The following SDK2 variants were observed in gnomAD, a reference collection of about 807,000 sequenced individuals.
SDK2 encodes sidekick cell adhesion molecule 2, also known as protein sidekick-2.
Under a neutral mutation model 253.9 loss-of-function variants are expected in SDK2, and 105 were observed. The observed-to-expected ratio is 0.41, with a 90% confidence interval of 0.35 to 0.49. The LOEUF is 0.49. Among genes scored for constraint, SDK2 ranks in the 20% least tolerant of loss-of-function variants. SDK2 has a pLI of 0.06. For missense variants in SDK2, 2,608 were observed against 3,003.0 expected (o/e 0.87, Z 3.07); for synonymous variants, 1,249 against 1,234.9 (o/e 1.01, Z -0.24).
intron 18 of SDK2, among the ~76,000 whole-genome samples, chr17:73,408,232 T>C (rs1172926823): frequency 6.7e-6 from 1 of 150,274 alleles, no homozygotes; most frequent in Non-Finnish European, 1.5e-5. Context: ...TTTTTTTTTT[T>C]TTTGAGATGG....
At chr17:73,387,787 C>A (rs1250584281) in intron 30 of SDK2, 49 bp downstream of exon 30, 1 of 1,476,422 alleles carries the variant, frequency 6.8e-7, no homozygotes, top group African/African-American at 1.4e-5. Flanking sequence ...ACCGCTGGTC[C>A]CGGCGGGGAG....
chr17:73,360,828 TG>T (rs754290661), intron 39 of SDK2, among the ~76,000 whole-genome samples: 1 of 150,282 alleles, frequency 6.7e-6, no homozygotes, highest in Non-Finnish European at 1.5e-5. Flanking sequence ...CCCAGCTACT[TG>T]GGAGGCTGAA....
chr17:73,529,742 G>A lies in SDK2; in HGVS notation c.65-22145C>T, dbSNP rs1163027054. ...AAGTCAAAGAGCACCAAGGGTTGCC[G>A]GCAAACACCAAAAGCTAGAGACAGG... On this transcript the variant is annotated intron_variant, in intron 1 of 44. Transcript: ENST00000392650. Among the ~76,000 whole-genome samples, 19 of 152,080 alleles carry A rather than the reference G, an allele frequency of 1.2e-4. 1 individual carries two copies. The highest frequency in any genetic ancestry group is 2.4e-4 in the Non-Finnish European group (16 of 68,012).
At chr17:73,420,618 A>G (rs2063221491) in intron 15 of SDK2, among the ~76,000 whole-genome samples, 1 of 149,016 alleles carries the variant, frequency 6.7e-6, no homozygotes, top group Non-Finnish European at 1.5e-5. Flanking sequence ...GGCATGAGCC[A>G]CTGCACCTGG....
At position 73,431,379 on chromosome 17, in the gene SDK2, A is replaced by T; in HGVS notation, c.1480+123T>A. ...GAGAAGGGCCCTGACTGGGACAGAC[A>T]CTGGGGATGGAGACACTGGTGGTAT... On this transcript the variant is annotated intron_variant, in intron 11 of 44. Coordinates refer to ENST00000392650, the MANE Select transcript of SDK2 (RefSeq NM_001144952.2). This position sits in a 1 kb window ranked among gnomAD's most constrained non-coding sequence, Gnocchi z 5.6. The T allele has an allele frequency of 1.1e-6, 1 of 948,954 alleles. No individual in the cohort carries two copies. The highest frequency in any genetic ancestry group is 1.5e-6 in the Non-Finnish European group (1 of 649,812). 58.8% of individuals were successfully genotyped at this position (948,954 alleles called of 1,614,324 possible). A position where few individuals can be genotyped will look rare whatever the true frequency, so the allele number is the denominator to read the frequency against.
At chr17:73,553,214 G>C (rs1473797682) in intron 1 of SDK2, among the ~76,000 whole-genome samples, 3 of 118,028 alleles carry the variant, frequency 2.5e-5, no homozygotes, top group Non-Finnish European at 5.2e-5. Flanking sequence ...AGAGGCAAGA[G>C]GCAGAGATGG....
chr17:73,501,590 A>G (rs2410774), intron 2 of SDK2, among the ~76,000 whole-genome samples: 44,529 of 152,188 alleles, frequency 0.29, 7,177 homozygotes, highest in East Asian at 0.49. Flanking sequence ...GAAATGGATA[A>G]TGATTTGTCA....
chr17:73,441,017 C>T, intron 5 of SDK2, 94 bp from the exon 6 acceptor site: 1 of 955,658 alleles, frequency 1.0e-6, no homozygotes, highest in Non-Finnish European at 1.6e-6. Flanking sequence ...GGTCTTTGTC[C>T]TTACCGAGTG....
At chr17:73,559,284 G>A (rs1196854521) in intron 1 of SDK2, among the ~76,000 whole-genome samples, 1 of 152,164 alleles carries the variant, frequency 6.6e-6, no homozygotes, top group Non-Finnish European at 1.5e-5. Flanking sequence ...TCTGAGCCTT[G>A]GGTTTCCTCG....
chr17:73,410,092 G>T (rs922518374), intron 18 of SDK2, among the ~76,000 whole-genome samples: 12 of 152,154 alleles, frequency 7.9e-5, no homozygotes, highest in African/African-American at 2.9e-4. Flanking sequence ...GGGCTCAAGA[G>T]ATCCCCCTGT....
intron 3 of SDK2, among the ~76,000 whole-genome samples, chr17:73,470,642 C>A (rs569022682): frequency 7.9e-5 from 12 of 152,224 alleles, no homozygotes; most frequent in Non-Finnish European, 1.5e-4. Flanking sequence ...ACAATCCATC[C>A]TCCACTTTTG....
Position 73,431,384 on chromosome 17 carries a change from G to A in SDK2, c.1480+118C>T. The A allele has an allele frequency of 3.0e-6, 3 of 989,246 alleles. No individual in the cohort carries two copies. The South Asian group carries it at 5.6e-5, about 19-fold the overall frequency. 61.3% of individuals were successfully genotyped at this position (989,246 alleles called of 1,614,324 possible). ...GGGCCCTGACTGGGACAGACACTGG[G>A]GATGGAGACACTGGTGGTATGAGCC... is the stretch of plus-strand genomic sequence containing the variant. On this transcript the variant is annotated intron_variant, in intron 11 of 44. Coordinates refer to ENST00000392650, the MANE Select transcript of SDK2 (RefSeq NM_001144952.2). This position sits in a 1 kb window ranked among gnomAD's most constrained non-coding sequence, Gnocchi z 5.6.
intron 36 of SDK2, among the ~76,000 whole-genome samples, chr17:73,378,185 G>GC (rs1228188417): frequency 2.6e-5 from 4 of 151,468 alleles, no homozygotes; most frequent in African/African-American, 7.3e-5. Flanking sequence ...TGCAAACTCT[G>GC]CCCCCCTGGC....
chr17:73,568,858 G>T (rs568970270), intron 1 of SDK2, among the ~76,000 whole-genome samples: 2 of 152,194 alleles, frequency 1.3e-5, no homozygotes, highest in East Asian at 3.9e-4. Context: ...TGGACAGCAG[G>T]GCCCACCTCT....
intron 15 of SDK2, among the ~76,000 whole-genome samples, chr17:73,420,658 G>A (rs990793219): frequency 6.6e-6 from 1 of 151,618 alleles, no homozygotes; most frequent in Non-Finnish European, 1.5e-5. Context: ...AGAGGCTGGG[G>A]TAAGGGTGAT....
chr17:73,373,776 C>T (rs965142900), intron 36 of SDK2, among the ~76,000 whole-genome samples: 1 of 152,114 alleles, frequency 6.6e-6, no homozygotes, highest in African/African-American at 2.4e-5. Flanking sequence ...CCTGCCTCAG[C>T]CAGGTGCCTG....
intron 28 of SDK2, 34 bp downstream of exon 28, chr17:73,391,406 C>G: frequency 8.2e-7 from 1 of 1,225,576 alleles, no homozygotes. Context: ...TTCCTTCTTC[C>G]TGCAGCCGGG....
In SDK2 at chr17:73,639,750, C is replaced by T. The variant is rs2046375311; in HGVS notation, c.64+4275G>A. Among the ~76,000 whole-genome samples the T allele has an allele frequency of 1.3e-5, 2 of 152,100 alleles. No homozygotes were observed. The highest frequency in any genetic ancestry group is 4.8e-5 in the African/African-American group (2 of 41,396). ...AGAGGGTTCCAGCCAATCAGAGGAC[C>T]CCTTCAACCACAGCCAGATCCTAGG... On this transcript the variant is annotated intron_variant, in intron 1 of 44. Coordinates refer to ENST00000392650, the MANE Select transcript of SDK2 (RefSeq NM_001144952.2). This position sits in a 1 kb window ranked among gnomAD's most constrained non-coding sequence, Gnocchi z 4.3.
chr17:73,416,184 G>A (rs1167537705), intron 16 of SDK2, among the ~76,000 whole-genome samples, 192 bp from the exon 17 acceptor site: 1 of 142,606 alleles, frequency 7.0e-6, no homozygotes, highest in Non-Finnish European at 1.5e-5. Context: ...TAGTGCAACC[G>A]AAGAAATGAA....
Sources: allele counts gnomAD v4.1 joint callset (sites outside exome capture counted in the v4.1 genomes callset), GRCh38; gene constraint gnomAD v4.1.1; non-coding constraint Gnocchi (gnomAD v3.1); transcripts MANE v1.5; gene names NCBI Gene and HGNC (gene_info 2026-07-23, HGNC 2026-07-21).